Variants in LUZP2 observed in about 807,000 individuals in gnomAD.
LUZP2 encodes the protein leucine zipper protein 2.
In LUZP2, 52 loss-of-function variants were observed where a neutral mutation model predicts 51.6. The ratio of observed to expected loss-of-function variants is 1.01; its 90% confidence interval spans 0.81 to 1.27. The LOEUF is 1.27. Among genes scored for constraint, LUZP2 ranks in the 50% most tolerant of loss-of-function variants. The pLI is 0.00. For missense variants in LUZP2, 436 were observed against 395.4 expected (o/e 1.10, Z -0.87); for synonymous variants, 154 against 137.3 (o/e 1.12, Z -0.85).
At chr11:24,736,569 C>T (rs1220631699) in intron 3 of LUZP2, among the ~76,000 whole-genome samples, 2 of 151,576 alleles carry the variant, frequency 1.3e-5, no homozygotes, top group Admixed American at 6.6e-5. Context: ...AGCATATAGA[C>T]ACTAAAACAC....
At chr11:24,594,275 T>A (rs998999901) in intron 1 of LUZP2, among the ~76,000 whole-genome samples, 1 of 152,168 alleles carries the variant, frequency 6.6e-6, no homozygotes, top group African/African-American at 2.4e-5. Context: ...TGACTTCAGA[T>A]CTTGGGCAGT....
intron 1 of LUZP2, among the ~76,000 whole-genome samples, chr11:24,540,295 AC>A (rs1851317772): frequency 6.6e-6 from 1 of 152,064 alleles, no homozygotes. Context: ...TCCCAAATTT[AC>A]TTATTGAAAC....
chr11:25,074,834 T>C (rs537950687), intron 10 of LUZP2, among the ~76,000 whole-genome samples: 59 of 152,232 alleles, frequency 3.9e-4, no homozygotes, highest in African/African-American at 1.4e-3. Flanking sequence ...TGTGATCAGA[T>C]CATTCAAGAT....
chr11:24,677,951 G>A (rs1188741637), intron 1 of LUZP2, among the ~76,000 whole-genome samples: 8 of 151,788 alleles, frequency 5.3e-5, no homozygotes, highest in Admixed American at 3.9e-4. Flanking sequence ...GCAAGAGAAT[G>A]GCGTGAACCT....
chr11:24,650,636 G>T (rs1178984157), intron 1 of LUZP2, among the ~76,000 whole-genome samples: 1 of 152,012 alleles, frequency 6.6e-6, no homozygotes, highest in Admixed American at 6.6e-5. Context: ...TCTCTTAGTG[G>T]TTTAAGAAAT....
intron 5 of LUZP2, among the ~76,000 whole-genome samples, chr11:24,834,215 A>G (rs1029879597): frequency 3.9e-5 from 6 of 152,066 alleles, no homozygotes; most frequent in Non-Finnish European, 8.8e-5. Flanking sequence ...CACATGCATT[A>G]GGTATTTGTC....
intron 4 of LUZP2, among the ~76,000 whole-genome samples, chr11:24,753,067 C>T (rs934759807): frequency 2.0e-5 from 3 of 151,916 alleles, no homozygotes; most frequent in South Asian, 2.1e-4. Context: ...ACTATATACT[C>T]GCAAACAAAA....
At chr11:24,567,149 A>T (rs1166403209) in intron 1 of LUZP2, among the ~76,000 whole-genome samples, 1 of 151,356 alleles carries the variant, frequency 6.6e-6, no homozygotes, top group African/African-American at 2.4e-5. Context: ...CCAAAAAATT[A>T]ATTTTTAAGA....
intron 5 of LUZP2, among the ~76,000 whole-genome samples, chr11:24,893,877 A>T (rs1300470958): frequency 6.6e-6 from 1 of 152,140 alleles, no homozygotes; most frequent in Non-Finnish European, 1.5e-5. Context: ...TCTAAGAACA[A>T]TTTAATATGA....
chr11:24,652,636 G>A (rs1300055599), intron 1 of LUZP2, among the ~76,000 whole-genome samples: 1 of 151,946 alleles, frequency 6.6e-6, no homozygotes, highest in Non-Finnish European at 1.5e-5. Context: ...TCTAGATGAA[G>A]GTCAATTGAT....
chr11:24,529,697 TC>T (rs1166381454), intron 1 of LUZP2, among the ~76,000 whole-genome samples: 2 of 150,830 alleles, frequency 1.3e-5, no homozygotes, highest in Non-Finnish European at 3.0e-5. Flanking sequence ...TAGTGAAATT[TC>T]CCCCCATTTA....
chr11:24,710,641 A>G (rs1857773986), intron 1 of LUZP2, among the ~76,000 whole-genome samples: 1 of 152,184 alleles, frequency 6.6e-6, no homozygotes. Flanking sequence ...CTCTGTCATG[A>G]ATTTCTTTAA....
At chr11:24,535,500 C>G (rs541847563) in intron 1 of LUZP2, among the ~76,000 whole-genome samples, 72 of 151,678 alleles carry the variant, frequency 4.7e-4, no homozygotes, top group African/African-American at 1.6e-3. Context: ...TTCATAATAT[C>G]TTTACCAGGA....
intron 9 of LUZP2, among the ~76,000 whole-genome samples, chr11:25,042,707 C>A (rs899298674): frequency 2.6e-5 from 4 of 152,166 alleles, no homozygotes; most frequent in African/African-American, 7.2e-5. Context: ...CCTCTCACAG[C>A]TTCTGGTAGT....
At chr11:24,752,227 T>A (rs1368658826) in intron 4 of LUZP2, among the ~76,000 whole-genome samples, 2 of 152,088 alleles carry the variant, frequency 1.3e-5, no homozygotes, top group African/African-American at 2.4e-5. Context: ...AATTACAAAA[T>A]TTTCCAAGGG....
chr11:24,629,570 C>CTATATAT (rs1854806889), intron 1 of LUZP2, among the ~76,000 whole-genome samples: 1 of 95,672 alleles, frequency 1.0e-5, no homozygotes, highest in African/African-American at 4.3e-5. Flanking sequence ...ATATATATAC[C>CTATATAT]ATATTTTCTT....
chr11:25,004,973 C>T (rs1454210600), intron 9 of LUZP2, among the ~76,000 whole-genome samples: 1 of 152,168 alleles, frequency 6.6e-6, no homozygotes, highest in Non-Finnish European at 1.5e-5. Flanking sequence ...TGACATCTCT[C>T]CAAGTGAGAT....
chr11:24,559,330 T>C (rs1851963922), intron 1 of LUZP2, among the ~76,000 whole-genome samples: 3 of 152,300 alleles, frequency 2.0e-5, no homozygotes, highest in Middle Eastern at 6.8e-3. Flanking sequence ...AAAATAATGT[T>C]CATTCACAAT....
intron 9 of LUZP2, among the ~76,000 whole-genome samples, chr11:25,014,569 T>A (rs188141423): frequency 6.6e-6 from 1 of 152,354 alleles, no homozygotes; most frequent in East Asian, 1.9e-4. Flanking sequence ...TGTCTGTTCA[T>A]ATCCTTCGCC....
Sources: allele counts gnomAD v4.1 joint callset (sites outside exome capture counted in the v4.1 genomes callset), GRCh38; gene constraint gnomAD v4.1.1; transcripts MANE v1.5; gene names NCBI Gene and HGNC (gene_info 2026-07-23, HGNC 2026-07-21).